The following FGF7 variants were observed in gnomAD, a reference collection of about 807,000 sequenced individuals.
FGF7 encodes the protein FGF-7.
Under a neutral mutation model 20.5 loss-of-function variants are expected in FGF7, and 6 were observed. The observed-to-expected ratio is 0.29, with a 90% CI of 0.16 to 0.58. The LOEUF (loss-of-function observed/expected upper bound fraction) is 0.58. Ranked by LOEUF, FGF7 falls within the 20% of genes least tolerant of loss-of-function variation. The pLI, the probability that FGF7 is intolerant of heterozygous loss-of-function variation, is 0.90. For missense variants in FGF7, 144 were observed against 228.8 expected (o/e 0.63, Z 2.39); for synonymous variants, 64 against 74.7 (o/e 0.86, Z 0.74).
intron 2 of FGF7, among the ~76,000 whole-genome samples, chr15:49,432,123 A>G (rs995587618): frequency 4.6e-5 from 7 of 151,874 alleles, no homozygotes; most frequent in Non-Finnish European, 1.0e-4. Flanking sequence ...ATATCCTCAA[A>G]TATCACATTT....
At chr15:49,453,741 T>C (rs189119499) in intron 2 of FGF7, among the ~76,000 whole-genome samples, 1 of 152,290 alleles carries the variant, frequency 6.6e-6, no homozygotes, top group East Asian at 1.9e-4. Flanking sequence ...TGAGCTCTTG[T>C]TACATGTATC....
At chr15:49,476,231 GGTT>G (rs1567351816) in intron 2 of FGF7, among the ~76,000 whole-genome samples, 1 of 29,100 alleles carries the variant, frequency 3.4e-5, no homozygotes, top group Non-Finnish European at 7.6e-5. Context: ...TTTTGTTTTT[GGTT>G]TTTTTTTTTT....
intron 2 of FGF7, chr15:49,425,649 T>C (rs2050061686): frequency 1.3e-5 from 2 of 151,920 alleles, no homozygotes; most frequent in African/African-American, 2.4e-5. Flanking sequence ...TTGTTGCCTG[T>C]TTACTGAATG....
At chr15:49,476,648 T>C (rs2055347738) in intron 2 of FGF7, among the ~76,000 whole-genome samples, 1 of 152,192 alleles carries the variant, frequency 6.6e-6, no homozygotes, top group South Asian at 2.1e-4. Flanking sequence ...AAATAAATAA[T>C]GTAAAATGTC....
intron 2 of FGF7, among the ~76,000 whole-genome samples, chr15:49,467,044 T>C (rs967141484): frequency 1.3e-5 from 2 of 152,132 alleles, no homozygotes; most frequent in Non-Finnish European, 2.9e-5. Flanking sequence ...AATTATCTTA[T>C]GCCTGGGTAG....
At chr15:49,443,394 G>T (rs575025162) in intron 2 of FGF7, among the ~76,000 whole-genome samples, 1 of 150,822 alleles carries the variant, frequency 6.6e-6, no homozygotes, top group African/African-American at 2.4e-5. Context: ...TGTTTTGTTG[G>T]TGGCTTGGAC....
At chr15:49,426,542 C>A (rs1484076043) in intron 2 of FGF7, among the ~76,000 whole-genome samples, 1 of 151,748 alleles carries the variant, frequency 6.6e-6, no homozygotes, top group African/African-American at 2.4e-5. Flanking sequence ...AATACATTTG[C>A]ATATGTAAAT....
At chr15:49,476,915 CCGGGCGTGGTGG>C (rs1166115753) in intron 2 of FGF7, among the ~76,000 whole-genome samples, 16 of 152,070 alleles carry the variant, frequency 1.1e-4, no homozygotes, top group Non-Finnish European at 2.1e-4. Context: ...AAAAAATTAG[CCGGGCGTGGTGG>C]CGGGTGCCTG....
intron 2 of FGF7, among the ~76,000 whole-genome samples, chr15:49,438,361 C>T (rs1395655754): frequency 1.3e-5 from 2 of 151,692 alleles, no homozygotes; most frequent in Non-Finnish European, 3.0e-5. Flanking sequence ...ACCAGAACTA[C>T]CCACAAAGCA....
chr15:49,428,339 C>T (rs1184587566), intron 2 of FGF7, among the ~76,000 whole-genome samples: 1 of 151,954 alleles, frequency 6.6e-6, no homozygotes, highest in African/African-American at 2.4e-5. Context: ...CATAAAATGT[C>T]CCTCCAAAGT....
intron 2 of FGF7, among the ~76,000 whole-genome samples, chr15:49,457,308 A>G (rs763463995): frequency 6.6e-6 from 1 of 152,004 alleles, no homozygotes; most frequent in Admixed American, 6.6e-5. Flanking sequence ...GAAAAAAATC[A>G]AATCAGCGTG....
chr15:49,445,789 A>C (rs1477062109), intron 2 of FGF7, among the ~76,000 whole-genome samples: 1 of 151,598 alleles, frequency 6.6e-6, no homozygotes, highest in African/African-American at 2.4e-5. Context: ...AAGAAATAAT[A>C]GTAAAAGAGT....
intron 2 of FGF7, among the ~76,000 whole-genome samples, chr15:49,474,593 G>C (rs1353727953): frequency 2.0e-5 from 3 of 152,158 alleles, no homozygotes; most frequent in Non-Finnish European, 4.4e-5. Context: ...GAAAATACTA[G>C]ATAGCTATTT....
intron 2 of FGF7, among the ~76,000 whole-genome samples, chr15:49,434,855 A>G (rs2050947992): frequency 6.8e-6 from 1 of 146,496 alleles, no homozygotes; most frequent in Non-Finnish European, 1.5e-5. Flanking sequence ...CTAATTAATA[A>G]TTAATTAATA....
intron 2 of FGF7, among the ~76,000 whole-genome samples, chr15:49,475,506 C>G (rs2055179680): frequency 6.6e-6 from 1 of 151,970 alleles, no homozygotes; most frequent in South Asian, 2.1e-4. Context: ...TGTATTTAAA[C>G]TTTAATATTA....
chr15:49,486,021 A>G lies in FGF7; in HGVS notation c.*1517A>G, dbSNP rs1048809618. 6 of 152,018 alleles carry G rather than the reference A, an allele frequency of 3.9e-5. No individual in the cohort carries two copies. Among genetic ancestry groups the G allele is most frequent in the Admixed American group, 2.6e-4 (4 of 15,224 alleles). The allele number at this position is 152,018 out of a possible 1,614,324, so 9.4% of individuals were successfully genotyped here. A position where few individuals can be genotyped will look rare whatever the true frequency, so the allele number is the denominator to read the frequency against. On this transcript the variant is annotated 3_prime_UTR_variant, in exon 4 of 4. Coordinates refer to ENST00000267843, the MANE Select transcript of FGF7 (RefSeq NM_002009.4). ...TACAGATAACAGGATTATTACAAGG[A>G]TGAATTTCCACTTCAAAAGTCTTTC...
intron 2 of FGF7, among the ~76,000 whole-genome samples, chr15:49,465,869 T>C (rs533021695): frequency 6.6e-6 from 1 of 152,314 alleles, no homozygotes; most frequent in East Asian, 1.9e-4. Context: ...ATATGCCAAC[T>C]TATAATTTGA....
At chr15:49,424,628 A>C in intron 2 of FGF7, 45 bp downstream of exon 2, 2 of 1,413,614 alleles carry the variant, frequency 1.4e-6, no homozygotes, top group Non-Finnish European at 1.9e-6. Context: ...CAATCTGTTA[A>C]TGGATCAATT....
At chr15:49,462,846 T>C in intron 2 of FGF7, among the ~76,000 whole-genome samples, 1 of 152,252 alleles carries the variant, frequency 6.6e-6, no homozygotes, top group Admixed American at 6.5e-5. Flanking sequence ...TATTGATAAA[T>C]TATAAACGAT....
Sources: gnomAD v4.1 joint callset for allele counts (sites outside exome capture counted in the v4.1 genomes callset) on GRCh38, gnomAD v4.1.1 for gene constraint, MANE v1.5 for transcripts, NCBI Gene and HGNC (gene_info 2026-07-23, HGNC 2026-07-21) for gene names.